The following AFAP1L1 variants were observed in gnomAD, a reference collection of about 807,000 sequenced individuals.
AFAP1L1 encodes the protein actin filament-associated protein 1-like 1.
Under a neutral mutation model 99.8 loss-of-function variants are expected in AFAP1L1, and 77 were observed. The observed-to-expected ratio is 0.77, with a 90% CI of 0.64 to 0.93. AFAP1L1 has a LOEUF of 0.93. Among genes scored for constraint, AFAP1L1 ranks in the 40% least tolerant of loss-of-function variants. AFAP1L1 has a pLI of 0.00. For missense variants in AFAP1L1, 893 were observed against 996.8 expected (o/e 0.90, Z 1.40); for synonymous variants, 373 against 395.3 (o/e 0.94, Z 0.67).
intron 4 of AFAP1L1, among the ~76,000 whole-genome samples, 170 bp downstream of exon 4, chr5:149,301,400 G>A (rs911226817): frequency 3.9e-5 from 6 of 152,172 alleles, no homozygotes; most frequent in African/African-American, 1.4e-4. Flanking sequence ...TCAATGGCCC[G>A]TGATGTGCTC....
At chr5:149,327,081 A>G (rs146107654) in intron 15 of AFAP1L1, among the ~76,000 whole-genome samples, 1 of 151,328 alleles carries the variant, frequency 6.6e-6, no homozygotes, top group East Asian at 1.9e-4. Context: ...TGTGACCCAT[A>G]CAGAAGGAAA....
intron 6 of AFAP1L1, among the ~76,000 whole-genome samples, chr5:149,307,182 G>T (rs1756443535): frequency 1.3e-5 from 2 of 152,086 alleles, no homozygotes; most frequent in Admixed American, 1.3e-4. Context: ...GGGAGGTAGA[G>T]GTTGCAGCGA....
intron 1 of AFAP1L1, among the ~76,000 whole-genome samples, chr5:149,291,592 G>A (rs915337962): frequency 5.4e-5 from 7 of 129,304 alleles, no homozygotes; most frequent in Non-Finnish European, 9.9e-5. Context: ...GAAAGTCACA[G>A]AAAAGGCTGC....
chr5:149,285,441 G>T lies in AFAP1L1; in HGVS notation c.16+13457G>T, dbSNP rs549718247. Among the ~76,000 whole-genome samples, 67 of 152,274 alleles carry T rather than the reference G, an allele frequency of 4.4e-4. No individual in the cohort carries two copies. In the Middle Eastern group the frequency reaches 0.01, roughly 23 times the overall value. Reference sequence around the variant, plus strand: ...TTTCTTCTTGCCACAACCCTTTGAGGTAAGCACTGTTATTATCTCTGTCTT... The same window carrying T: ...TTTCTTCTTGCCACAACCCTTTGAGTTAAGCACTGTTATTATCTCTGTCTT... On this transcript the variant is annotated intron_variant, in intron 1 of 18. Coordinates refer to ENST00000296721, the MANE Select transcript of AFAP1L1 (RefSeq NM_152406.4).
chr5:149,303,668 T>A lies in AFAP1L1; in HGVS notation c.436+1142T>A, dbSNP rs142474441. 5.4e-3 allele frequency among the ~76,000 whole-genome samples: 816 copies of A among 152,280 alleles called. 11 individuals are homozygous for A. Among genetic ancestry groups the A allele is most frequent in the African/African-American group, 0.019 (769 of 41,552 alleles). On this transcript the variant is annotated intron_variant, in intron 5 of 18. Coordinates refer to ENST00000296721, the MANE Select transcript of AFAP1L1 (RefSeq NM_152406.4). Reference sequence around the variant, plus strand: ...CATACAACAATTCCATTTGTTTTTTTAAATAGGGTGTACACAAACACACAC... The same window carrying A: ...CATACAACAATTCCATTTGTTTTTTAAAATAGGGTGTACACAAACACACAC...
chr5:149,324,290 A>G (rs964561758), intron 15 of AFAP1L1, among the ~76,000 whole-genome samples: 1 of 150,590 alleles, frequency 6.6e-6, no homozygotes, highest in African/African-American at 2.4e-5. Context: ...GTGGCAGCCA[A>G]TTTGGTGTCT....
At position 149,343,296 on chromosome 5, in the gene AFAP1L1, T is replaced by A. The variant is rs1159260057; in HGVS notation, c.*3266T>A. ...CAAATAACCCATGTTATGACAAGAT[T>A]CAGAGTGCTCAAGGAACACTTCCCA... On this transcript the variant is annotated 3_prime_UTR_variant, in exon 19 of 19. Transcript: ENST00000296721. Among the ~76,000 whole-genome samples the A allele has an allele frequency of 3.9e-5, 6 of 151,906 alleles. No homozygotes were observed. Among genetic ancestry groups the A allele is most frequent in the Non-Finnish European group, 7.4e-5 (5 of 67,966 alleles).
At chr5:149,299,429 T>C in intron 1 of AFAP1L1, 80 bp from the exon 2 acceptor site, 1 of 1,573,036 alleles carries the variant, frequency 6.4e-7, no homozygotes, top group Non-Finnish European at 8.6e-7. Flanking sequence ...CGCCCAACTC[T>C]AGGTGGTGGG....
intron 16 of AFAP1L1, among the ~76,000 whole-genome samples, chr5:149,331,488 C>T (rs1465190013): frequency 3.3e-5 from 5 of 151,830 alleles, no homozygotes; most frequent in Admixed American, 6.6e-5. Context: ...GGTGTGGCGG[C>T]GGGTGCCTGT....
chr5:149,315,004 T>G (rs2127598241), intron 9 of AFAP1L1, among the ~76,000 whole-genome samples: 1 of 152,236 alleles, frequency 6.6e-6, no homozygotes, highest in Non-Finnish European at 1.5e-5. Flanking sequence ...GGAATTCAAG[T>G]GAAAAAACCC....
chr5:149,313,842 A>G (rs1034295019), intron 9 of AFAP1L1, among the ~76,000 whole-genome samples: 8 of 152,258 alleles, frequency 5.3e-5, no homozygotes, highest in Non-Finnish European at 1.0e-4. Flanking sequence ...TCAGATGAAG[A>G]TGAAAAATTA....
At position 149,307,858 on chromosome 5, in the gene AFAP1L1, T is replaced by C. The variant is rs529516052; in HGVS notation, c.747+245T>C. On this transcript the variant is annotated intron_variant, in intron 7 of 18. Coordinates refer to ENST00000296721, the MANE Select transcript of AFAP1L1 (RefSeq NM_152406.4). ...TCTCTCTCTCTCTCTCTCTCTCTCT[T>C]AAATTTAAAGACCTGGGCTAGGCAC... Among the ~76,000 whole-genome samples the C allele has an allele frequency of 3.6e-4, 4 of 11,164 alleles. No individual in the cohort carries two copies. In the East Asian group the frequency reaches 7.9e-3, roughly 22 times the overall value. The allele number at this position is 11,164 out of a possible 152,430, so 7.3% of individuals were successfully genotyped here.
At chr5:149,333,365 A>G (rs746030912) in intron 17 of AFAP1L1, among the ~76,000 whole-genome samples, 13 of 152,194 alleles carry the variant, frequency 8.5e-5, no homozygotes, top group Non-Finnish European at 1.6e-4. Flanking sequence ...AAACCCAGGA[A>G]GTCTAACTCC....
At chr5:149,299,673 T>C in intron 2 of AFAP1L1, 36 bp downstream of exon 2, 4 of 1,613,322 alleles carry the variant, frequency 2.5e-6, no homozygotes, top group South Asian at 1.1e-5. Context: ...GGAGCTCCAC[T>C]TATGTAGGAC....
intron 1 of AFAP1L1, among the ~76,000 whole-genome samples, chr5:149,288,438 G>A (rs896012623): frequency 7.9e-5 from 12 of 152,116 alleles, no homozygotes; most frequent in Admixed American, 7.9e-4. Context: ...ACAACATCTG[G>A]AACATCACTT....
chr5:149,332,928 C>T (rs1207176731), intron 17 of AFAP1L1, 55 bp downstream of exon 17: 8 of 1,460,360 alleles, frequency 5.5e-6, no homozygotes, highest in Admixed American at 2.8e-5. Context: ...CCTCCACTCA[C>T]TACAGATCTC....
chr5:149,308,296 A>G (rs1482371882), intron 7 of AFAP1L1, among the ~76,000 whole-genome samples: 1 of 152,238 alleles, frequency 6.6e-6, no homozygotes, highest in East Asian at 1.9e-4. Context: ...ACAAATGAAA[A>G]GTGATTTTTA....
chr5:149,322,692 G>C lies in AFAP1L1; in HGVS notation c.1785G>C (p.Gln595His), dbSNP rs140123570. The C allele has an allele frequency of 2.7e-5, 43 of 1,589,724 alleles. No homozygotes were observed. The East Asian group carries it at 3.0e-4, about 11-fold the overall frequency. ...AGAAGTCCCATCGTGTGGACCCGCA[G>C]GTCAAAGTCAAACGCCACGCCTCCA... The part of the protein sequence containing the change: ...CSEKSHRVDP[Q>H]VKVKRHASSA... The change falls in exon 15 of 19, where the codon CAG (glutamine) becomes CAC (histidine). Residue 595 changes from glutamine to histidine, a missense_variant. By Grantham distance (24) the Gln-to-His change is conservative (BLOSUM62 0). Coordinates refer to ENST00000296721, the MANE Select transcript of AFAP1L1 (RefSeq NM_152406.4).
At chr5:149,310,756 T>G in intron 8 of AFAP1L1, among the ~76,000 whole-genome samples, 1 of 152,074 alleles carries the variant, frequency 6.6e-6, no homozygotes, top group Non-Finnish European at 1.5e-5. Context: ...ACAACCAAAG[T>G]GGTGGGAGCC....
Sources: allele counts gnomAD v4.1 joint callset (sites outside exome capture counted in the v4.1 genomes callset), GRCh38; gene constraint gnomAD v4.1.1; transcripts MANE v1.5; gene names NCBI Gene and HGNC (gene_info 2026-07-23, HGNC 2026-07-21).